Variants in DCC observed in about 807,000 individuals in gnomAD.
The protein encoded by DCC is netrin receptor DCC.
Under a neutral mutation model 172.5 loss-of-function variants are expected in DCC, and 58 were observed. The ratio of observed to expected loss-of-function variants is 0.34; its 90% confidence interval spans 0.27 to 0.42. The LOEUF is 0.42. Among genes scored for constraint, DCC ranks in the 10% least tolerant of loss-of-function variants. The pLI is 1.00. For missense variants in DCC, 1,740 were observed against 1,791.0 expected, an observed-to-expected ratio of 0.97 and a Z score of 0.51; for synonymous variants, 709 against 644.5, an observed-to-expected ratio of 1.10 and a Z score of -1.52.
chr18:52,869,557 G>A (rs1227186385), intron 2 of DCC, among the ~76,000 whole-genome samples: 3 of 152,154 alleles, frequency 2.0e-5, no homozygotes, highest in East Asian at 1.9e-4. Context: ...GGGCCTCACC[G>A]TGGACCCACC....
chr18:53,426,592 C>T (rs1910980815), intron 21 of DCC, among the ~76,000 whole-genome samples: 1 of 151,266 alleles, frequency 6.6e-6, no homozygotes, highest in African/African-American at 2.4e-5. Context: ...AAACCTTTTG[C>T]TAGGCATAAG....
chr18:53,284,265 CTT>C (rs2056909030), intron 12 of DCC, among the ~76,000 whole-genome samples: 1 of 152,108 alleles, frequency 6.6e-6, no homozygotes, highest in South Asian at 2.1e-4. Context: ...TTTTAAATAA[CTT>C]GAGGATAGAT....
At chr18:53,473,318 T>C (rs60529248) in intron 25 of DCC, among the ~76,000 whole-genome samples, 7,094 of 152,266 alleles carry the variant, frequency 0.047, 497 homozygotes, top group African/African-American at 0.14. Flanking sequence ...CATTTTATTG[T>C]TTAATACCTA....
chr18:53,094,357 C>G (rs1343132080), intron 7 of DCC, among the ~76,000 whole-genome samples: 1 of 152,042 alleles, frequency 6.6e-6, no homozygotes, highest in East Asian at 1.9e-4. Flanking sequence ...GGAGATGTAC[C>G]TTTTTAAGGC....
intron 2 of DCC, among the ~76,000 whole-genome samples, chr18:52,863,298 T>C (rs1017376323): frequency 6.6e-6 from 1 of 151,974 alleles, no homozygotes; most frequent in Non-Finnish European, 1.5e-5. Flanking sequence ...TCATACATAT[T>C]AATCAGTGTT....
rs1010836755 is a variant in DCC, at chr18:53,459,309, A to G, written c.3470A>G (p.His1157Arg). 3.0e-5 allele frequency: 48 copies of G among 1,614,026 alleles called. No homozygotes were observed. The highest frequency in any genetic ancestry group is 3.9e-5 in the Non-Finnish European group (46 of 1,180,018). The change falls in exon 24 of 29, where the codon CAT (histidine) becomes CGT (arginine). Residue 1157 changes from histidine to arginine, a missense_variant. His to Arg is a conservative substitution (Grantham distance 29). Around this residue, in one of 2 missense-constraint regions of DCC, gnomAD observed 1,732 missense variants for 1,767.4 expected, o/e 0.98. Coordinates refer to ENST00000442544, the MANE Select transcript of DCC (RefSeq NM_005215.4). ...CGACCCCCTGATCTTTGGATCCATC[A>G]TGAAGAAATGGAGATGAAAAATATT... is the stretch of plus-strand genomic sequence containing the variant. Reference protein sequence around the residue: ...DLRPPDLWIHHEEMEMKNIEK... With the variant: ...DLRPPDLWIHREEMEMKNIEK...
intron 15 of DCC, among the ~76,000 whole-genome samples, chr18:53,350,420 C>G (rs185907985): frequency 2.8e-4 from 42 of 152,240 alleles, no homozygotes; most frequent in Middle Eastern, 3.4e-3. Flanking sequence ...ATTGTAATTT[C>G]CTTTTATTCT....
chr18:52,548,262 C>CTTGTGA (rs2032670603), intron 1 of DCC, among the ~76,000 whole-genome samples: 4 of 152,034 alleles, frequency 2.6e-5, no homozygotes, highest in Admixed American at 2.6e-4. Context: ...TAATATAGGC[C>CTTGTGA]AATATTCCAA....
chr18:52,989,289 C>T (rs2041344365), intron 5 of DCC, among the ~76,000 whole-genome samples: 1 of 151,902 alleles, frequency 6.6e-6, no homozygotes, highest in African/African-American at 2.4e-5. Context: ...TTGGGAGGCC[C>T]AGGCGGGTGG....
chr18:52,783,185 T>C (rs2037581054), intron 2 of DCC, among the ~76,000 whole-genome samples: 1 of 152,034 alleles, frequency 6.6e-6, no homozygotes, highest in South Asian at 2.1e-4. Context: ...ATATAAGCTG[T>C]CAATTAGAAT....
intron 9 of DCC, among the ~76,000 whole-genome samples, chr18:53,181,918 T>G (rs1364179921): frequency 6.6e-6 from 1 of 152,204 alleles, no homozygotes; most frequent in Non-Finnish European, 1.5e-5. Context: ...CTAGTTAATT[T>G]CTTATGCCCA....
chr18:53,443,416 G>C (rs1481192787), intron 22 of DCC, among the ~76,000 whole-genome samples: 1 of 152,160 alleles, frequency 6.6e-6, no homozygotes, highest in Non-Finnish European at 1.5e-5. Context: ...GCCCACTGTA[G>C]AGACCTATTG....
At chr18:53,316,401 C>T (rs576293671) in intron 13 of DCC, among the ~76,000 whole-genome samples, 89 of 151,626 alleles carry the variant, frequency 5.9e-4, no homozygotes, top group Non-Finnish European at 1.1e-3. Flanking sequence ...CCTCCAGCTT[C>T]GTTGTTTCTG....
chr18:53,328,212 T>A (rs1310122600), intron 14 of DCC, among the ~76,000 whole-genome samples: 1 of 152,238 alleles, frequency 6.6e-6, no homozygotes. Flanking sequence ...CAAACTTTAA[T>A]GTGCCCATGG....
At chr18:53,378,529 G>T (rs926214279) in intron 15 of DCC, among the ~76,000 whole-genome samples, 1 of 152,172 alleles carries the variant, frequency 6.6e-6, no homozygotes, top group African/African-American at 2.4e-5. Context: ...GTATCAGTAT[G>T]TGCAGTTTAG....
intron 3 of DCC, among the ~76,000 whole-genome samples, chr18:52,919,880 A>C (rs1042319303): frequency 6.6e-6 from 1 of 152,084 alleles, no homozygotes; most frequent in Non-Finnish European, 1.5e-5. Flanking sequence ...TGGCAAAATA[A>C]TAGATCCATG....
chr18:52,767,129 T>A (rs1260803654), intron 2 of DCC, among the ~76,000 whole-genome samples: 1 of 148,830 alleles, frequency 6.7e-6, no homozygotes, highest in Non-Finnish European at 1.5e-5. Context: ...CATACGAGAT[T>A]ATATTTATCT....
chr18:53,435,492 C>T (rs1911884362), intron 22 of DCC, among the ~76,000 whole-genome samples: 1 of 152,056 alleles, frequency 6.6e-6, no homozygotes, highest in Non-Finnish European at 1.5e-5. Flanking sequence ...TTGTAAATGA[C>T]ACAAAGCTGT....
At chr18:53,005,746 A>T (rs761840491) in intron 5 of DCC, among the ~76,000 whole-genome samples, 8 of 152,184 alleles carry the variant, frequency 5.3e-5, no homozygotes, top group Non-Finnish European at 1.2e-4. Context: ...AGAAGAAAAG[A>T]AAGAATCTTT....
Sources: gnomAD v4.1 joint callset for allele counts (sites outside exome capture counted in the v4.1 genomes callset) on GRCh38, gnomAD v4.1.1 for gene constraint, gnomAD v4.1.1 regional missense constraint, MANE v1.5 for transcripts, NCBI Gene and HGNC (gene_info 2026-07-23, HGNC 2026-07-21) for gene names.